The following PIN1 variants were observed in gnomAD, a reference collection of about 807,000 sequenced individuals.
PIN1 encodes peptidylprolyl cis/trans isomerase, NIMA-interacting 1.
In PIN1, 8 loss-of-function variants were observed where a neutral mutation model predicts 19.9. The ratio of observed to expected loss-of-function variants is 0.40; its 90% CI spans 0.24 to 0.72. The LOEUF (loss-of-function observed/expected upper bound fraction) is 0.72, where lower values mean the gene tolerates loss of function less well. PIN1 is among the 30% of genes least tolerant of loss of function. The probability of loss-of-function intolerance (pLI) is 0.37; values close to 1 mark genes in which losing one functional copy is unlikely to be tolerated. For missense variants in PIN1, 185 were observed against 226.5 expected, an observed-to-expected ratio of 0.82 and a Z score of 1.18; for synonymous variants, 86 against 90.8, an observed-to-expected ratio of 0.95 and a Z score of 0.30.
At position 9,841,009 on chromosome 19, in the gene PIN1, C is replaced by T. The variant is rs554437624; in HGVS notation, c.271+2361C>T. 2.7e-4 allele frequency among the ~76,000 whole-genome samples: 41 copies of T among 152,304 alleles called. No individual in the cohort carries two copies. In the South Asian group the frequency reaches 8.1e-3, roughly 30 times the overall value. On this transcript the variant is annotated intron_variant, in intron 2 of 3. Coordinates refer to ENST00000247970, the MANE Select transcript of PIN1 (RefSeq NM_006221.4). ...AAGCGGGAGTAACAGCTCCTGGCAT[C>T]GGTAAATGTTCTGTCATTGTTAGTG...
intron 2 of PIN1, among the ~76,000 whole-genome samples, chr19:9,839,608 A>G (rs142357318): frequency 2.0e-5 from 3 of 152,306 alleles, no homozygotes; most frequent in African/African-American, 7.2e-5. Flanking sequence ...TCTGCTTTGT[A>G]ACTGGATAGC....
intron 2 of PIN1, among the ~76,000 whole-genome samples, chr19:9,843,139 C>A (rs189875604): frequency 6.6e-6 from 1 of 152,372 alleles, no homozygotes; most frequent in Admixed American, 6.5e-5. Context: ...TTGACAGCCA[C>A]CCCTCACATG....
chr19:9,845,987 G>A, intron 2 of PIN1, among the ~76,000 whole-genome samples: 1 of 152,122 alleles, frequency 6.6e-6, no homozygotes, highest in East Asian at 1.9e-4. Context: ...TAGTGGTCCA[G>A]ACAGAAGGGG....
rs772645473 is a variant in PIN1, at chr19:9,835,368, G to A, written c.24G>A (p.Pro8=). Residue 8 remains proline, a synonymous_variant, in exon 1 of 4, where the codon CCG becomes CCA. Coordinates refer to ENST00000247970, the MANE Select transcript of PIN1 (RefSeq NM_006221.4). ...AGATGGCGGACGAGGAGAAGCTGCC[G>A]CCCGGCTGGGAGAAGCGCATGAGCC... MADEEKL[P]PGWEKRMSRS... 6.4e-5 allele frequency: 98 copies of A among 1,522,168 alleles called. No homozygotes were observed. Among genetic ancestry groups the A allele is most frequent in the East Asian group, 1.0e-4 (4 of 39,002 alleles). The allele number at this position is 1,522,168 out of a possible 1,614,324, so 94.3% of individuals were successfully genotyped here. A position where few individuals can be genotyped will look rare whatever the true frequency, so the allele number is the denominator to read the frequency against.
rs1326636888 is a variant in PIN1 at position 9,849,410 on chromosome 19, C to G, written c.*211C>G. The G allele has an allele frequency of 1.4e-6, 1 of 739,660 alleles. No homozygotes were observed. The highest frequency in any genetic ancestry group is 1.8e-5 in the Admixed American group (1 of 55,886). The allele number at this position is 739,660 out of a possible 1,614,324, so 45.8% of individuals were successfully genotyped here. A position where few individuals can be genotyped will look rare whatever the true frequency, so the allele number is the denominator to read the frequency against. On this transcript the variant is annotated 3_prime_UTR_variant, in exon 4 of 4. Coordinates refer to ENST00000247970, the MANE Select transcript of PIN1 (RefSeq NM_006221.4). ...CATCCCCAGTTGGGGCTGCGACCGC[C>G]AGATTCTCCCTTAAGGAATTGACTT... is the stretch of plus-strand genomic sequence containing the variant.
In PIN1 at chr19:9,849,686, C is replaced by G. The variant is rs368303631; in HGVS notation, c.*487C>G. Reference sequence around the variant, plus strand: ...CCCAATTAAACCCAGAACCACTGCTCTGCTCTCCTGTGTCTCATTTCTCCT... The same window carrying G: ...CCCAATTAAACCCAGAACCACTGCTGTGCTCTCCTGTGTCTCATTTCTCCT... On this transcript the variant is annotated 3_prime_UTR_variant, in exon 4 of 4. Coordinates refer to ENST00000247970, the MANE Select transcript of PIN1 (RefSeq NM_006221.4). The G allele has an allele frequency of 6.8e-4, 332 of 490,560 alleles. 4 individuals are homozygous for G. The highest frequency in any genetic ancestry group is 4.6e-3 in the Middle Eastern group (7 of 1,508). 30.4% of individuals were successfully genotyped at this position (490,560 alleles called of 1,614,324 possible).
chr19:9,847,334 C>T (rs1455039004), intron 2 of PIN1, among the ~76,000 whole-genome samples: 1 of 152,206 alleles, frequency 6.6e-6, no homozygotes, highest in Non-Finnish European at 1.5e-5. Flanking sequence ...AGCCGATGGG[C>T]TAGTTTGGGC....
At chr19:9,836,559 T>C in intron 1 of PIN1, 1 of 297,010 alleles carries the variant, frequency 3.4e-6, no homozygotes, top group Non-Finnish European at 6.8e-6. Context: ...TCAACCCTGA[T>C]GGCTTCCTTT....
chr19:9,835,372 G>C lies in PIN1; in HGVS notation c.28G>C (p.Gly10Arg), dbSNP rs1429968724. ...GGCGGACGAGGAGAAGCTGCCGCCC[G>C]GCTGGGAGAAGCGCATGAGCCGCAG... Reference protein sequence around the residue: MADEEKLPPGWEKRMSRSSG... With the variant: MADEEKLPPRWEKRMSRSSG... Residue 10 changes from glycine (G) to arginine (R), a missense_variant, in exon 1 of 4, where the codon GGC becomes CGC. By Grantham distance (125) the Gly-to-Arg change is moderately radical. Transcript: ENST00000247970. The C allele has an allele frequency of 6.6e-7, 1 of 1,522,454 alleles. No individual in the cohort carries two copies. The highest frequency in any genetic ancestry group is 1.4e-5 in the African/African-American group (1 of 70,546). The allele number at this position is 1,522,454 out of a possible 1,614,324, so 94.3% of individuals were successfully genotyped here. A position where few individuals can be genotyped will look rare whatever the true frequency, so the allele number is the denominator to read the frequency against.
chr19:9,844,049 CA>C (rs919440454), intron 2 of PIN1, among the ~76,000 whole-genome samples: 5 of 146,778 alleles, frequency 3.4e-5, no homozygotes, highest in Admixed American at 2.0e-4. Flanking sequence ...GATTCTGCCT[CA>C]AAAAAAAAAG....
At position 9,849,274 on chromosome 19, in the gene PIN1, C is replaced by A; in HGVS notation, c.*75C>A. On this transcript the variant is annotated 3_prime_UTR_variant, in exon 4 of 4. Coordinates refer to ENST00000247970, the MANE Select transcript of PIN1 (RefSeq NM_006221.4). ...GGCCAGCTCCCCCTTGCCCGCCAGC[C>A]AGTGGCCGAACCCCCCACTCCCTGC... The A allele has an allele frequency of 1.0e-6, 1 of 970,192 alleles. No individual in the cohort carries two copies. The highest frequency in any genetic ancestry group is 1.6e-6 in the Non-Finnish European group (1 of 618,672). 60.1% of individuals were successfully genotyped at this position (970,192 alleles called of 1,614,324 possible). A position where few individuals can be genotyped will look rare whatever the true frequency, so the allele number is the denominator to read the frequency against.
intron 1 of PIN1, 79 bp downstream of exon 1, chr19:9,835,481 G>T (rs1452903158): frequency 2.0e-6 from 2 of 1,008,806 alleles, no homozygotes; most frequent in South Asian, 4.1e-5. Flanking sequence ...TGGGCGCGGC[G>T]GCAGCGCTGC....
rs147378426 is a variant in PIN1, at chr19:9,838,566, G to A, written c.189G>A (p.Lys63=). The change falls in exon 2 of 4, where the codon AAG becomes AAA. Residue 63 remains lysine, a synonymous_variant. Coordinates refer to ENST00000247970, the MANE Select transcript of PIN1 (RefSeq NM_006221.4). This position sits in a 1 kb window ranked among gnomAD's most constrained non-coding sequence, Gnocchi z 5.8. ...ARVRCSHLLV[K]HSQSRRPSSW... is the part of the protein sequence containing the mutation. ...TCCGCTGCTCGCACCTGCTGGTGAA[G>A]CACAGCCAGTCACGGCGGCCCTCGT... is the stretch of plus-strand genomic sequence containing the variant. 1.7e-4 allele frequency: 265 copies of A among 1,578,080 alleles called. 2 individuals carry two copies. The highest frequency in any genetic ancestry group is 1.4e-3 in the Middle Eastern group (8 of 5,858).
At chr19:9,841,310 ATC>A (rs1421782401) in intron 2 of PIN1, among the ~76,000 whole-genome samples, 1 of 152,146 alleles carries the variant, frequency 6.6e-6, no homozygotes, top group African/African-American at 2.4e-5. Context: ...CAGGGACTGG[ATC>A]TCTCTCTTTC....
intron 2 of PIN1, among the ~76,000 whole-genome samples, chr19:9,840,520 A>C (rs573597251): frequency 6.6e-6 from 1 of 152,352 alleles, no homozygotes; most frequent in African/African-American, 2.4e-5. Flanking sequence ...ATGCCCAGAC[A>C]GCCTGGGTTG....
At chr19:9,835,807 CA>C (rs1211753961) in intron 1 of PIN1, 2 of 220,710 alleles carry the variant, frequency 9.1e-6, no homozygotes, top group African/African-American at 4.6e-5. Flanking sequence ...CTCGGGTCCA[CA>C]ACCTACCCCT....
chr19:9,849,261 C>A lies in PIN1; in HGVS notation c.*62C>A, dbSNP rs778709813. 10 of 1,128,352 alleles carry A rather than the reference C, an allele frequency of 8.9e-6. No individual in the cohort carries two copies. The highest frequency in any genetic ancestry group is 1.3e-5 in the South Asian group (1 of 77,394). 69.9% of individuals were successfully genotyped at this position (1,128,352 alleles called of 1,614,324 possible). ...GGGCGGCTAGGCCGGCCAGCTCCCC[C>A]TTGCCCGCCAGCCAGTGGCCGAACC... is the stretch of plus-strand genomic sequence containing the variant. On this transcript the variant is annotated 3_prime_UTR_variant, in exon 4 of 4. Transcript: ENST00000247970.
At chr19:9,836,868 T>C in intron 1 of PIN1, 1 of 1,286,386 alleles carries the variant, frequency 7.8e-7, no homozygotes, top group Non-Finnish European at 1.0e-6. Flanking sequence ...TTCCCAGAGA[T>C]GCAAAAGGTG....
rs766120927 is a variant in PIN1, at chr19:9,849,460, C to T, written c.*261C>T. ...TCAGCAGGGGTGGGAGGCTCCCAGA[C>T]CCAGGGCAGTGTGGTGGGAGGGGTG... is the stretch of plus-strand genomic sequence containing the variant. On this transcript the variant is annotated 3_prime_UTR_variant, in exon 4 of 4. Transcript: ENST00000247970. 8 of 723,746 alleles carry T rather than the reference C, an allele frequency of 1.1e-5. No homozygotes were observed. In the African/African-American group the frequency reaches 1.2e-4, roughly 11 times the overall value. 44.8% of individuals were successfully genotyped at this position (723,746 alleles called of 1,614,324 possible).
Sources: gnomAD v4.1 joint callset for allele counts (sites outside exome capture counted in the v4.1 genomes callset) on GRCh38, gnomAD v4.1.1 for gene constraint, Gnocchi (gnomAD v3.1) non-coding constraint, MANE v1.5 for transcripts, NCBI Gene and HGNC (gene_info 2026-07-23, HGNC 2026-07-21) for gene names.